SZT2: variants seen among roughly 807,000 people sequenced by gnomAD.
SZT2 encodes the protein SZT2 subunit of KICSTOR complex, also known as KICSTOR complex protein SZT2.
Under a neutral mutation model 404.2 loss-of-function variants are expected in SZT2, and 216 were observed. The observed-to-expected ratio is 0.53, with a 90% CI of 0.48 to 0.60. The LOEUF (loss-of-function observed/expected upper bound fraction) is 0.60, where lower values mean the gene tolerates loss of function less well. Ranked by LOEUF, SZT2 falls within the 20% of genes least tolerant of loss-of-function variation. The probability of loss-of-function intolerance (pLI) is 0.00; values close to 1 mark genes in which losing one functional copy is unlikely to be tolerated. For missense variants in SZT2, 3,857 were observed against 4,459.2 expected, an observed-to-expected ratio of 0.86 and a Z score of 3.85; for synonymous variants, 1,693 against 1,749.9, an observed-to-expected ratio of 0.97 and a Z score of 0.81.
At chr1:43,429,598 TC>T (rs1653608804) in intron 28 of SZT2, 104 bp from the exon 29 acceptor site, 2 of 1,430,904 alleles carry the variant, frequency 1.4e-6, no homozygotes, top group Admixed American at 1.8e-5. Flanking sequence ...TAAGTACTCT[TC>T]CTGTGGACAA....
At position 43,452,842 on chromosome 1, in the gene SZT2, C is replaced by G; in HGVS notation, c.*2362C>G. 1 of 1,531,172 alleles carries G rather than the reference C, an allele frequency of 6.5e-7. No homozygotes were observed. The allele number at this position is 1,531,172 out of a possible 1,614,324, so 94.8% of individuals were successfully genotyped here. On this transcript the variant is annotated 3_prime_UTR_variant, in exon 72 of 72. Transcript: ENST00000634258. ...CCACCTCCTCCCATCATCCCCTGAT[C>G]TTAGCCACATCCAGCTCCAAGCAGA...
At chr1:43,421,583 C>T (rs529580709) in intron 11 of SZT2, among the ~76,000 whole-genome samples, 7 of 152,380 alleles carry the variant, frequency 4.6e-5, no homozygotes, top group African/African-American at 1.2e-4. Flanking sequence ...ACCGTGAGCC[C>T]TTGCCCCATC....
chr1:43,429,626 G>T, intron 28 of SZT2, 77 bp from the exon 29 acceptor site: 1 of 1,584,362 alleles, frequency 6.3e-7, no homozygotes, highest in Non-Finnish European at 8.7e-7. Context: ...TTCCTGTGCT[G>T]CTCCCCAGTT....
In SZT2 at chr1:43,426,484, G is replaced by A. The variant is rs577453311; in HGVS notation, c.3160G>A (p.Val1054Ile). ...LSDREIPLTP[V>I]DQAAFLSEVL... ...TGACCGGGAGATCCCACTGACCCCC[G>A]TTGACCAGGCTGCCTTCTTGAGTGA... The change falls in exon 22 of 72, where the codon GTT (valine) becomes ATT (isoleucine). Residue 1054 changes from valine (V) to isoleucine (I), a missense_variant. By Grantham distance (29) the Val-to-Ile change is conservative. Around this residue, in one of 7 missense-constraint regions of SZT2, gnomAD observed 1,725 missense variants for 1,881.0 expected, o/e 0.92. Transcript: ENST00000634258. This position sits in a 1 kb window ranked among gnomAD's most constrained non-coding sequence, Gnocchi z 4.9. The A allele has an allele frequency of 1.8e-5, 28 of 1,596,556 alleles. No individual in the cohort carries two copies. Among genetic ancestry groups the A allele is most frequent in the Middle Eastern group, 1.7e-4 (1 of 6,056 alleles).
chr1:43,442,346 TACTA>T lies in SZT2; in HGVS notation c.7953_7956del (p.Leu2652ArgfsTer10). ...AATGCTCCCCGGCAGAGGCTCTTGC[TACTA>T]GAGGTTGTGGACAAGAAGGTAAATA... On this transcript the variant is annotated frameshift_variant, in exon 57 of 72. Transcript: ENST00000634258. LOFTEE classifies it high-confidence loss of function. This position sits in a 1 kb window ranked among gnomAD's most constrained non-coding sequence, Gnocchi z 4.5. 3 of 1,614,064 alleles carry T rather than the reference TACTA, an allele frequency of 1.9e-6. No homozygotes were observed. Among genetic ancestry groups the T allele is most frequent in the South Asian group, 1.1e-5 (1 of 91,076 alleles).
At chr1:43,408,759 A>G (rs1453222883) in intron 4 of SZT2, among the ~76,000 whole-genome samples, 9 of 152,138 alleles carry the variant, frequency 5.9e-5, no homozygotes, top group African/African-American at 2.2e-4. Context: ...ATGAATAGGA[A>G]CATCTTTCTC....
chr1:43,445,509 C>A, intron 62 of SZT2: 1 of 295,602 alleles, frequency 3.4e-6, no homozygotes, highest in Non-Finnish European at 6.6e-6. Context: ...AATCAAAAGA[C>A]AGCAGCTTTG....
Position 43,451,508 on chromosome 1 carries a change from TC to T in SZT2, c.*1032del, listed in dbSNP as rs1445182002. 6.2e-7 allele frequency: 1 copy of T among 1,613,918 alleles called. No individual in the cohort carries two copies. The highest frequency in any genetic ancestry group is 1.7e-5 in the Admixed American group (1 of 60,010). Reference sequence around the variant, plus strand: ...ATTCAGCTCTCCGGGGCTGCTGGGCTCCCCTCGGCCTGGGACCTGTGCCACC... The same window carrying T: ...ATTCAGCTCTCCGGGGCTGCTGGGCTCCCTCGGCCTGGGACCTGTGCCACC... On this transcript the variant is annotated 3_prime_UTR_variant, in exon 72 of 72. Transcript: ENST00000634258.
rs1198885037 is a variant in SZT2, at chr1:43,422,156, C to A, written c.1700C>A (p.Ser567Tyr). The A allele has an allele frequency of 6.3e-7, 1 of 1,597,406 alleles. No homozygotes were observed. The highest frequency in any genetic ancestry group is 8.5e-7 in the Non-Finnish European group (1 of 1,179,102). The change falls in exon 12 of 72, where the codon TCC becomes TAC. Residue 567 changes from serine (S) to tyrosine (Y), a missense_variant. Ser to Tyr is a moderately radical substitution (Grantham distance 144). Transcript: ENST00000634258. ...QFAAYWKPVL[S>Y]MDANSWQRWL... ...GCTGCCTACTGGAAGCCAGTGCTGT[C>A]CATGGATGCAAATTCCTGGCAGCGA...
chr1:43,419,475 T>C (rs555500611), intron 7 of SZT2, among the ~76,000 whole-genome samples: 5 of 152,292 alleles, frequency 3.3e-5, no homozygotes, highest in East Asian at 1.9e-4. Context: ...CCAAAATCTT[T>C]AGTGAAGGAG....
Position 43,422,787 on chromosome 1 carries a change from C to T in SZT2, c.1941C>T (p.Pro647=). 1 of 1,590,548 alleles carries T rather than the reference C, an allele frequency of 6.3e-7. No individual in the cohort carries two copies. Among genetic ancestry groups the T allele is most frequent in the South Asian group, 1.1e-5 (1 of 89,256 alleles). ...TCCCCAGTGCCCCAGACCAGCCCCC[C>T]AATTCCTTCTACATGGTCCGTATCA... The part of the protein sequence containing the change: ...KLLSSAPDQP[P]NSFYMVRIIS... Residue 647 remains proline (P), a synonymous_variant, in exon 14 of 72, where the codon CCC becomes CCT. Coordinates refer to ENST00000634258, the MANE Select transcript of SZT2 (RefSeq NM_001365999.1).
rs781525665 is a variant in SZT2 at position 43,442,276 on chromosome 1, G to A, written c.7882G>A (p.Ala2628Thr). The A allele has an allele frequency of 3.1e-6, 5 of 1,613,350 alleles. No homozygotes were observed. In the African/African-American group the frequency reaches 6.7e-5, roughly 22 times the overall value. ...CCTCCCCCACCCTGTAGCTGCCAAA[G>A]CCATGCAGCGCTTCGAGCCAGGAGG... ...WRRPTQQAAK[A>T]MQRFEPGGDG... Residue 2628 changes from alanine (A) to threonine (T), a missense_variant, in exon 57 of 72, where the codon GCC (alanine) becomes ACC (threonine). By Grantham distance (58) the Ala-to-Thr change is moderately conservative. This residue lies in a region of SZT2 where 573 missense variants were observed against 592.4 expected (regional missense o/e 0.97). Coordinates refer to ENST00000634258, the MANE Select transcript of SZT2 (RefSeq NM_001365999.1). The surrounding 1 kb of genome is among the most constrained non-coding windows in gnomAD (Gnocchi z 4.5).
intron 36 of SZT2, 42 bp from the exon 37 acceptor site, chr1:43,432,230 G>T: frequency 6.6e-7 from 1 of 1,518,052 alleles, no homozygotes; most frequent in Non-Finnish European, 8.8e-7. Flanking sequence ...GTGTAGGGAG[G>T]ACTGCCCTGC....
At chr1:43,431,555 T>G in intron 35 of SZT2, 32 bp downstream of exon 35, 4 of 1,611,916 alleles carry the variant, frequency 2.5e-6, no homozygotes, top group Non-Finnish European at 3.4e-6. Context: ...CTGTAACTGA[T>G]TCCCTTTCCA....
chr1:43,448,425 C>T lies in SZT2; in HGVS notation c.9910C>T (p.Leu3304=). ...RLGGRLALAE[L]EELLEAVHAK... ...AGGGGGGCGCCTGGCCCTGGCAGAG[C>T]TGGAGGAACTCCTAGAAGCAGTCCA... Residue 3304 remains leucine, a synonymous_variant, in exon 69 of 72, where the codon CTG becomes TTG. Coordinates refer to ENST00000634258, the MANE Select transcript of SZT2 (RefSeq NM_001365999.1). This position sits in a 1 kb window ranked among gnomAD's most constrained non-coding sequence, Gnocchi z 4.2. 3.8e-6 allele frequency: 6 copies of T among 1,599,026 alleles called. No homozygotes were observed. Among genetic ancestry groups the T allele is most frequent in the Non-Finnish European group, 5.1e-6 (6 of 1,173,034 alleles).
rs750575033 is a variant in SZT2, at chr1:43,428,333, A to C, written c.4013A>C (p.Asp1338Ala). The C allele has an allele frequency of 6.2e-7, 1 of 1,614,108 alleles. No homozygotes were observed. Among genetic ancestry groups the C allele is most frequent in the South Asian group, 1.1e-5 (1 of 91,080 alleles). Reference sequence around the variant, plus strand: ...TGTGAGGAGCTACTACAAGAAATAGACATCACCCCATTTCTCCTTGCATTG... The same window carrying C: ...TGTGAGGAGCTACTACAAGAAATAGCCATCACCCCATTTCTCCTTGCATTG... Reference protein sequence around the residue: ...DACEELLQEIDITPFLLALCG... With the variant: ...DACEELLQEIAITPFLLALCG... The change falls in exon 28 of 72, where the codon GAC becomes GCC. Residue 1338 changes from aspartate (D) to alanine (A), a missense_variant. By Grantham distance (126) the Asp-to-Ala change is moderately radical. Transcript: ENST00000634258.
intron 46 of SZT2, 53 bp from the exon 47 acceptor site, chr1:43,438,646 G>A: frequency 6.5e-7 from 1 of 1,548,768 alleles, no homozygotes; most frequent in Non-Finnish European, 8.9e-7. Context: ...CTGCTATGGA[G>A]GTAGCTGGAT....
In SZT2 at chr1:43,450,161, T is replaced by TAGGAAAGACGG; in HGVS notation, c.10146_10155+1dup. On this transcript the variant is annotated frameshift_variant, in exon 71 of 72. Transcript: ENST00000634258. LOFTEE classifies it high-confidence loss of function. This position sits in a 1 kb window ranked among gnomAD's most constrained non-coding sequence, Gnocchi z 4.3. Reference sequence around the variant, plus strand: ...GTGCTAGTGTTTCTGGACTCCCACTTAGGAAAGACGGTAAGAACGAGTGGG... The same window carrying TAGGAAAGACGG: ...GTGCTAGTGTTTCTGGACTCCCACTTAGGAAAGACGGAGGAAAGACGGTAAGAACGAGTGGG... 6.2e-7 allele frequency: 1 copy of TAGGAAAGACGG among 1,614,104 alleles called. No individual in the cohort carries two copies. Among genetic ancestry groups the TAGGAAAGACGG allele is most frequent in the Non-Finnish European group, 8.5e-7 (1 of 1,179,990 alleles).
chr1:43,408,907 T>C (rs1351432607), intron 4 of SZT2, among the ~76,000 whole-genome samples: 1 of 152,112 alleles, frequency 6.6e-6, no homozygotes, highest in Non-Finnish European at 1.5e-5. Flanking sequence ...AGTTGTTCCA[T>C]GGGGTCAGGG....
Sources: gnomAD v4.1 joint callset for allele counts (sites outside exome capture counted in the v4.1 genomes callset) on GRCh38, gnomAD v4.1.1 for gene constraint, gnomAD v4.1.1 regional missense constraint, Gnocchi (gnomAD v3.1) non-coding constraint, MANE v1.5 for transcripts, NCBI Gene and HGNC (gene_info 2026-07-23, HGNC 2026-07-21) for gene names.